Variants in VTI1B observed in about 807,000 individuals in gnomAD.
VTI1B encodes vesicle transport through interaction with t-SNAREs 1B, also known as vesicle transport through interaction with t-SNAREs homolog 1B.
In VTI1B, 18 loss-of-function variants were observed where a neutral mutation model predicts 28.6. The observed-to-expected ratio is 0.63, with a 90% confidence interval of 0.43 to 0.93. VTI1B has a LOEUF of 0.93. Ranked by LOEUF, VTI1B falls within the 40% of genes least tolerant of loss-of-function variation. The pLI is 0.00. For synonymous variants in VTI1B, 100 were observed against 107.9 expected, an observed-to-expected ratio of 0.93 and a Z score of 0.46; for missense variants, 283 against 297.0, an observed-to-expected ratio of 0.95 and a Z score of 0.35.
intron 1 of VTI1B, among the ~76,000 whole-genome samples, chr14:67,672,461 T>G (rs1205379928): frequency 6.7e-6 from 1 of 148,340 alleles, no homozygotes; most frequent in Non-Finnish European, 1.5e-5. Context: ...TTTTTTTTTT[T>G]TTGATACAGA....
intron 5 of VTI1B, 96 bp from the exon 6 acceptor site, chr14:67,651,577 T>C: frequency 7.3e-7 from 1 of 1,364,764 alleles, no homozygotes; most frequent in South Asian, 1.4e-5. Flanking sequence ...CTGGATACTC[T>C]GAGGCTGTAT....
chr14:67,656,823 G>T (rs1004350868), intron 3 of VTI1B, among the ~76,000 whole-genome samples: 1 of 152,072 alleles, frequency 6.6e-6, no homozygotes, highest in Non-Finnish European at 1.5e-5. Context: ...TTACACTTAC[G>T]CGAGGCAAGG....
intron 4 of VTI1B, among the ~76,000 whole-genome samples, chr14:67,656,036 A>G (rs2037251264): frequency 6.6e-6 from 1 of 152,158 alleles, no homozygotes; most frequent in Admixed American, 6.5e-5. Context: ...ACCTGAAGTT[A>G]GGAGTTCGAG....
Sources: gnomAD v4.1 joint callset for allele counts (sites outside exome capture counted in the v4.1 genomes callset) on GRCh38, gnomAD v4.1.1 for gene constraint, MANE v1.5 for transcripts, NCBI Gene and HGNC (gene_info 2026-07-23, HGNC 2026-07-21) for gene names.